The following STXBP2 variants were observed in gnomAD, a reference collection of about 807,000 sequenced individuals.
STXBP2 encodes syntaxin-binding protein 2.
STXBP2 carries 47 observed loss-of-function variants against 72.2 expected under a neutral mutation model. The ratio of observed to expected loss-of-function variants is 0.65; its 90% confidence interval spans 0.51 to 0.83. The LOEUF is 0.83. Ranked by LOEUF, STXBP2 falls within the 40% of genes least tolerant of loss-of-function variation. The pLI is 0.00. For synonymous variants in STXBP2, 367 were observed against 338.7 expected, an observed-to-expected ratio of 1.08 and a Z score of -0.92; for missense variants, 702 against 807.6, an observed-to-expected ratio of 0.87 and a Z score of 1.58.
At chr19:7,630,533 C>T in the STXBP2 span, 2 of 1,467,756 alleles carry the variant, frequency 1.4e-6, no homozygotes, top group South Asian at 2.4e-5. Flanking sequence ...CTGCACATTG[C>T]TTGGGGGGAG....
Position 7,647,614 on chromosome 19 carries a change from A to G in STXBP2, c.1696+103A>G. ...GACTCCAGAGTCCTTGGAGTCAGGG[A>G]CCTGGTTTGCTGAGGGACAGGGACA... On this transcript the variant is annotated intron_variant, in intron 18 of 18. Coordinates refer to ENST00000221283, the MANE Select transcript of STXBP2 (RefSeq NM_006949.4). 5 of 1,597,502 alleles carry G rather than the reference A, an allele frequency of 3.1e-6. No individual in the cohort carries two copies. The South Asian group carries it at 5.6e-5, about 18-fold the overall frequency.
the STXBP2 span, chr19:7,629,841 T>A: frequency 2.6e-6 from 4 of 1,535,576 alleles, no homozygotes; most frequent in Admixed American, 2.0e-5. Flanking sequence ...GAGATGGGGG[T>A]GAAGCTGGAG....
intron 3 of STXBP2, 97 bp from the exon 4 acceptor site, chr19:7,639,634 C>T: frequency 1.8e-6 from 2 of 1,134,230 alleles, no homozygotes; most frequent in Non-Finnish European, 1.3e-6. Flanking sequence ...AAGCATCCAC[C>T]CCTCCTCCCC....
At chr19:7,630,967 G>A in the STXBP2 span, 1 of 1,274,936 alleles carries the variant, frequency 7.8e-7, no homozygotes. Context: ...CCCAGGGCAT[G>A]GGAGGCTGAG....
At chr19:7,640,522 A>G (rs1316347577) in intron 4 of STXBP2, 20 of 679,452 alleles carry the variant, frequency 2.9e-5, no homozygotes, top group Admixed American at 2.9e-4. Flanking sequence ...GCATGTGTGC[A>G]TGCGTGTGTA....
At chr19:7,633,510 G>A (rs2031423591), upstream of STXBP2, 2 of 1,538,440 alleles carry the variant, frequency 1.3e-6, no homozygotes, top group African/African-American at 1.4e-5. Context: ...CCCAGTGCCA[G>A]AGAGGGCCTT....
intron 1 of STXBP2, among the ~76,000 whole-genome samples, chr19:7,638,124 T>C (rs1001946530): frequency 1.3e-5 from 2 of 152,222 alleles, no homozygotes; most frequent in South Asian, 2.1e-4. Flanking sequence ...GATAGAGCTG[T>C]AGATGATCCC....
the STXBP2 span, chr19:7,629,927 G>A: frequency 7.0e-7 from 1 of 1,438,410 alleles, no homozygotes; most frequent in Middle Eastern, 1.8e-4. Context: ...AGATGAGGTT[G>A]GAAATGGGGG....
rs1274541718 is a variant in STXBP2 at position 7,638,671 on chromosome 19, G to T, written c.38-55G>T. 8 of 1,594,224 alleles carry T rather than the reference G, an allele frequency of 5.0e-6. No individual in the cohort carries two copies. In the Admixed American group the frequency reaches 1.3e-4, roughly 27 times the overall value. ...AGCCCCAAGGCTGAGAAGGCTTGGG[G>T]CAGTGGTGGGACCAGAGAACCAGCA... On this transcript the variant is annotated intron_variant, in intron 1 of 18. Coordinates refer to ENST00000221283, the MANE Select transcript of STXBP2 (RefSeq NM_006949.4).
At chr19:7,645,666 C>T (rs866986041) in intron 15 of STXBP2, among the ~76,000 whole-genome samples, 7 of 152,068 alleles carry the variant, frequency 4.6e-5, no homozygotes, top group South Asian at 2.1e-4. Context: ...GAGGGTCCCC[C>T]GCACCCATCC....
intron 15 of STXBP2, 31 bp downstream of exon 15, chr19:7,645,337 G>A: frequency 6.5e-7 from 1 of 1,549,842 alleles, no homozygotes; most frequent in Non-Finnish European, 8.7e-7. Flanking sequence ...GGGGGACCCT[G>A]GGAGAGGGTG....
In STXBP2 at chr19:7,639,839, C is replaced by T. The variant is rs372446034; in HGVS notation, c.246+32C>T. 7.9e-5 allele frequency: 127 copies of T among 1,604,184 alleles called. 1 individual carries two copies. The highest frequency in any genetic ancestry group is 4.0e-4 in the Admixed American group (24 of 59,558). ...ACATGAGTGAGCGTGTGTGTATGCG[C>T]GTGCATGCGTGTACATGTGCATGTG... On this transcript the variant is annotated intron_variant, in intron 4 of 18. Transcript: ENST00000221283.
chr19:7,644,598 G>A lies in STXBP2; in HGVS notation c.1108-16G>A, dbSNP rs1327312893. The A allele has an allele frequency of 2.5e-6, 4 of 1,610,778 alleles. No individual in the cohort carries two copies. Among genetic ancestry groups the A allele is most frequent in the Non-Finnish European group, 2.5e-6 (3 of 1,179,730 alleles). The stretch of plus-strand genomic sequence containing the variant: ...GACACATAGCGGCCGGTGGACGGCT[G>A]ACCCCATGCCCGCAGGACCTGGCCA... On this transcript the variant is annotated splice_polypyrimidine_tract_variant and intron_variant, in intron 13 of 18. Transcript: ENST00000221283.
At chr19:7,631,252 G>A in the STXBP2 span, 493,196 of 1,408,882 alleles carry the variant, frequency 0.35, 87,848 homozygotes, top group Non-Finnish European at 0.36. Context: ...GGAACCGAGA[G>A]CAGAGGAGTA....
chr19:7,647,121 A>G, intron 16 of STXBP2, 41 bp from the exon 17 acceptor site: 2 of 1,607,140 alleles, frequency 1.2e-6, no homozygotes, highest in Non-Finnish European at 1.7e-6. Flanking sequence ...CCCGGACCCC[A>G]TGCCTGGGGT....
In STXBP2 at chr19:7,642,056, T is replaced by C. The variant is rs753575120; in HGVS notation, c.601T>C (p.Leu201=). 2 of 1,614,008 alleles carry C rather than the reference T, an allele frequency of 1.2e-6. No individual in the cohort carries two copies. The highest frequency in any genetic ancestry group is 1.7e-6 in the Non-Finnish European group (2 of 1,179,958). ...CAGGGGCCCAGAGGACACAGCCCAG[T>C]TGGCCCACGCCGTCCTGGCCAAGCT... The part of the protein sequence containing the change: ...YRKGPEDTAQ[L]AHAVLAKLNA... The change falls in exon 8 of 19, where the codon TTG becomes CTG. Residue 201 remains leucine (L), a synonymous_variant. Coordinates refer to ENST00000221283, the MANE Select transcript of STXBP2 (RefSeq NM_006949.4). This position sits in a 1 kb window ranked among gnomAD's most constrained non-coding sequence, Gnocchi z 6.0.
upstream of STXBP2, among the ~76,000 whole-genome samples, chr19:7,635,720 T>A (rs187394089): frequency 1.3e-5 from 2 of 148,670 alleles, no homozygotes; most frequent in African/African-American, 5.0e-5. Context: ...CAAACAAAAA[T>A]GGGGAGGAGG....
chr19:7,633,548 A>G (rs1036977387), upstream of STXBP2: 10 of 1,261,416 alleles, frequency 7.9e-6, no homozygotes, highest in South Asian at 1.3e-4. Flanking sequence ...GGGGGTGTGG[A>G]TTCCCCCCAT....
Position 7,642,226 on chromosome 19 carries a change from G to A in STXBP2, c.687G>A (p.Gln229=). ...AGGGCCCAGAGAAAACCCGCTCCCAGCTGCTGATAATGGACCGGGCAGCTG... is the reference window on the plus strand; with the variant it reads ...AGGGCCCAGAGAAAACCCGCTCCCAACTGCTGATAATGGACCGGGCAGCTG... ...LGEGPEKTRS[Q]LLIMDRAADP... The change falls in exon 9 of 19, where the codon CAG becomes CAA. Residue 229 remains glutamine (Q), a synonymous_variant. Transcript: ENST00000221283. This position sits in a 1 kb window ranked among gnomAD's most constrained non-coding sequence, Gnocchi z 6.0. 1 of 1,614,150 alleles carries A rather than the reference G, an allele frequency of 6.2e-7. No homozygotes were observed.
Sources: gnomAD v4.1 joint callset for allele counts (sites outside exome capture counted in the v4.1 genomes callset) on GRCh38, gnomAD v4.1.1 for gene constraint, Gnocchi (gnomAD v3.1) non-coding constraint, MANE v1.5 for transcripts, NCBI Gene and HGNC (gene_info 2026-07-23, HGNC 2026-07-21) for gene names.